The following CDYL2 variants were observed in gnomAD, a reference collection of about 807,000 sequenced individuals.
CDYL2 encodes chromodomain Y-like protein 2.
In CDYL2, 23 loss-of-function variants were observed where a neutral mutation model predicts 49.4. The observed-to-expected ratio is 0.47, with a 90% CI of 0.34 to 0.66. The LOEUF (loss-of-function observed/expected upper bound fraction) is 0.66, where lower values mean the gene tolerates loss of function less well. CDYL2 is among the 30% of genes least tolerant of loss of function. The probability of loss-of-function intolerance (pLI) is 0.01; values close to 1 mark genes in which losing one functional copy is unlikely to be tolerated. For synonymous variants in CDYL2, 360 were observed against 268.8 expected (o/e 1.34, Z -3.32); for missense variants, 678 against 656.4 (o/e 1.03, Z -0.36).
intron 1 of CDYL2, among the ~76,000 whole-genome samples, chr16:80,768,643 C>A (rs941024339): frequency 7.9e-5 from 12 of 152,108 alleles, no homozygotes; most frequent in African/African-American, 2.9e-4. Context: ...AATACCATCC[C>A]CTTTGGGTAG....
intron 1 of CDYL2, among the ~76,000 whole-genome samples, chr16:80,687,746 A>T (rs1910256223): frequency 6.6e-6 from 1 of 152,184 alleles, no homozygotes. Flanking sequence ...GCCTCTTATC[A>T]TGTGTTCTTG....
At chr16:80,660,966 C>G (rs1909017439) in intron 2 of CDYL2, among the ~76,000 whole-genome samples, 2 of 152,120 alleles carry the variant, frequency 1.3e-5, no homozygotes. Context: ...GGTAAGCTGT[C>G]TGAGAGGGCA....
chr16:80,664,636 A>G (rs1213175705), intron 2 of CDYL2, among the ~76,000 whole-genome samples: 4 of 152,206 alleles, frequency 2.6e-5, no homozygotes, highest in South Asian at 2.1e-4. Flanking sequence ...AATTTTTTAA[A>G]GTTTTCCAAA....
At chr16:80,787,595 C>G (rs1011863198) in intron 1 of CDYL2, among the ~76,000 whole-genome samples, 16 of 150,592 alleles carry the variant, frequency 1.1e-4, no homozygotes, top group African/African-American at 3.9e-4. Context: ...TGTTCGTTCT[C>G]TCTCTCCTCT....
chr16:80,666,271 G>C (rs1909258514), intron 2 of CDYL2, among the ~76,000 whole-genome samples: 1 of 152,144 alleles, frequency 6.6e-6, no homozygotes, highest in African/African-American at 2.4e-5. Context: ...CAAAATGAGA[G>C]CAATTTTAAA....
intron 1 of CDYL2, among the ~76,000 whole-genome samples, chr16:80,756,913 C>A (rs2142378133): frequency 6.6e-6 from 1 of 151,136 alleles, no homozygotes; most frequent in Non-Finnish European, 1.5e-5. Context: ...TCTGATAAGT[C>A]ATTTCCTGTT....
At chr16:80,670,271 T>C (rs1296260178) in intron 2 of CDYL2, among the ~76,000 whole-genome samples, 1 of 140,612 alleles carries the variant, frequency 7.1e-6, no homozygotes, top group Non-Finnish European at 1.6e-5. Flanking sequence ...AGGGACCCAG[T>C]GGGAGTTGAC....
intron 1 of CDYL2, among the ~76,000 whole-genome samples, chr16:80,692,164 G>A (rs570121934): frequency 6.6e-6 from 1 of 152,326 alleles, no homozygotes; most frequent in South Asian, 2.1e-4. Context: ...TACGTCCTAA[G>A]TCTGCACGTC....
intron 1 of CDYL2, among the ~76,000 whole-genome samples, chr16:80,734,884 G>A (rs1905462951): frequency 6.6e-6 from 1 of 152,164 alleles, no homozygotes; most frequent in Non-Finnish European, 1.5e-5. Context: ...ATGGTCCAAT[G>A]ACTGACAATC....
At chr16:80,708,854 A>G (rs1760739003) in intron 1 of CDYL2, among the ~76,000 whole-genome samples, 1 of 152,234 alleles carries the variant, frequency 6.6e-6, no homozygotes, top group Non-Finnish European at 1.5e-5. Context: ...GAATCTGGTA[A>G]TGATGAAATC....
chr16:80,699,937 C>T (rs1567576033), intron 1 of CDYL2, among the ~76,000 whole-genome samples: 1 of 151,746 alleles, frequency 6.6e-6, no homozygotes, highest in African/African-American at 2.4e-5. Context: ...GCGCGATCTC[C>T]GCTCACCGCA....
rs147583540 is a variant in CDYL2, at chr16:80,608,646, C to T, written c.1219-411G>A. Among the ~76,000 whole-genome samples, 26 of 152,270 alleles carry T rather than the reference C, an allele frequency of 1.7e-4. No homozygotes were observed. In the East Asian group the frequency reaches 4.8e-3, roughly 28 times the overall value. On this transcript the variant is annotated intron_variant, in intron 5 of 6. Transcript: ENST00000570137. ...AGATGCTCCCTTCTAGATAATAAAG[C>T]TCAAGTGGGGTTTCCAGCTGCAGGT...
intron 1 of CDYL2, among the ~76,000 whole-genome samples, chr16:80,702,797 G>A (rs1444864038): frequency 1.3e-5 from 2 of 152,240 alleles, no homozygotes; most frequent in South Asian, 2.1e-4. Flanking sequence ...CCTGGAGGAT[G>A]AGTAGACACA....
intron 2 of CDYL2, chr16:80,639,641 T>A (rs1030525456): frequency 4.4e-6 from 2 of 454,042 alleles, no homozygotes; most frequent in African/African-American, 4.0e-5. Context: ...AATACCTTCA[T>A]AAGAACAAAA....
intron 1 of CDYL2, among the ~76,000 whole-genome samples, chr16:80,759,168 A>T (rs1906442193): frequency 7.3e-6 from 1 of 137,316 alleles, no homozygotes; most frequent in Non-Finnish European, 1.5e-5. Context: ...GTTTATATAT[A>T]TATATATGGT....
chr16:80,689,109 C>G (rs1213769869), intron 1 of CDYL2, among the ~76,000 whole-genome samples: 1 of 151,944 alleles, frequency 6.6e-6, no homozygotes, highest in Non-Finnish European at 1.5e-5. Context: ...ATTAGAAAAT[C>G]CTGTGTACAC....
At chr16:80,685,744 G>A (rs1267792358) in intron 1 of CDYL2, among the ~76,000 whole-genome samples, 2 of 152,156 alleles carry the variant, frequency 1.3e-5, no homozygotes, top group Admixed American at 6.5e-5. Flanking sequence ...GTCAGAGAAC[G>A]AGGGCTCAGA....
rs889831222 is a variant in CDYL2, at chr16:80,603,709, T to C, written c.*679A>G. ...AAGGAAAGAAAAAACATTTCCCTAG[T>C]AGTTTGTTTTTGCAAAACTAGCTTT... is the stretch of plus-strand genomic sequence containing the variant. On this transcript the variant is annotated 3_prime_UTR_variant, in exon 7 of 7. Transcript: ENST00000570137. 1 of 152,674 alleles carries C rather than the reference T, an allele frequency of 6.5e-6. No homozygotes were observed. Among genetic ancestry groups the C allele is most frequent in the African/African-American group, 2.4e-5 (1 of 41,456 alleles). The allele number at this position is 152,674 out of a possible 1,614,324, so 9.5% of individuals were successfully genotyped here.
At chr16:80,738,343 T>C (rs919134827) in intron 1 of CDYL2, among the ~76,000 whole-genome samples, 1 of 152,202 alleles carries the variant, frequency 6.6e-6, no homozygotes, top group Non-Finnish European at 1.5e-5. Flanking sequence ...GCATCTGTCT[T>C]TATGGTAGAA....
Sources: allele counts gnomAD v4.1 joint callset (sites outside exome capture counted in the v4.1 genomes callset), GRCh38; gene constraint gnomAD v4.1.1; transcripts MANE v1.5; gene names NCBI Gene and HGNC (gene_info 2026-07-23, HGNC 2026-07-21).